JARID2: variants seen among roughly 807,000 people sequenced by gnomAD.
JARID2 encodes the protein protein Jumonji.
JARID2 carries 21 observed loss-of-function variants against 125.6 expected under a neutral mutation model. The observed-to-expected ratio is 0.17, with a 90% CI of 0.12 to 0.24. The LOEUF (loss-of-function observed/expected upper bound fraction) is 0.24. JARID2 is among the 10% of genes least tolerant of loss of function. The probability of loss-of-function intolerance (pLI) is 1.00; values close to 1 mark genes in which losing one functional copy is unlikely to be tolerated. For synonymous variants in JARID2, 736 were observed against 661.6 expected, an observed-to-expected ratio of 1.11 and a Z score of -1.73; for missense variants, 1,303 against 1,639.6, an observed-to-expected ratio of 0.79 and a Z score of 3.55.
chr6:15,261,567 G>A (rs982519923), intron 1 of JARID2, among the ~76,000 whole-genome samples: 1 of 152,028 alleles, frequency 6.6e-6, no homozygotes, highest in Non-Finnish European at 1.5e-5. Context: ...TGATCTGCCC[G>A]CCTTGGCCTC....
At chr6:15,321,808 T>TGAGA (rs1433779045) in intron 1 of JARID2, among the ~76,000 whole-genome samples, 3 of 128,018 alleles carry the variant, frequency 2.3e-5, no homozygotes, top group African/African-American at 9.9e-5. Flanking sequence ...TTTTTTTTTT[T>TGAGA]TTGAGATGGA....
chr6:15,437,113 T>G (rs981541164), intron 3 of JARID2, among the ~76,000 whole-genome samples: 1 of 152,194 alleles, frequency 6.6e-6, no homozygotes, highest in African/African-American at 2.4e-5. Flanking sequence ...GGTCATCTTT[T>G]CTTCCTGGAA....
chr6:15,409,230 G>A (rs1765775997), intron 2 of JARID2, among the ~76,000 whole-genome samples: 1 of 152,192 alleles, frequency 6.6e-6, no homozygotes, highest in Non-Finnish European at 1.5e-5. Context: ...GAAATGAAGT[G>A]TGCATAAAAT....
chr6:15,381,354 A>G (rs1002008554), intron 2 of JARID2, among the ~76,000 whole-genome samples: 2 of 151,622 alleles, frequency 1.3e-5, no homozygotes, highest in African/African-American at 2.4e-5. Context: ...AAAAAAAAAA[A>G]AAAAAAAAAG....
At position 15,520,105 on chromosome 6, in the gene JARID2, A is replaced by G; in HGVS notation, c.3595A>G (p.Lys1199Glu). ...CAGTCTGGTCAATCAGATCTGCGGC[A>G]AAGTGTCTGGTAAAAACGGCAGCAT... ...IISLVNQICG[K>E]VSGKNGSIEN... The change falls in exon 18 of 18, where the codon AAA becomes GAA. Residue 1199 changes from lysine (K) to glutamate (E), a missense_variant. Physicochemically the swap from Lys to Glu is moderately conservative, Grantham distance 56 (BLOSUM62 1). Coordinates refer to ENST00000341776, the MANE Select transcript of JARID2 (RefSeq NM_004973.4). The G allele has an allele frequency of 6.2e-7, 1 of 1,613,886 alleles. No homozygotes were observed. The highest frequency in any genetic ancestry group is 8.5e-7 in the Non-Finnish European group (1 of 1,179,902).
chr6:15,251,509 T>C (rs115091871), intron 1 of JARID2, among the ~76,000 whole-genome samples: 2,618 of 152,336 alleles, frequency 0.017, 80 homozygotes, highest in African/African-American at 0.059. Context: ...CCCTGTTGGC[T>C]GCAGTATGTC....
chr6:15,369,256 A>G (rs1315190483), intron 1 of JARID2: 1 of 372,964 alleles, frequency 2.7e-6, no homozygotes, highest in Non-Finnish European at 5.6e-6. Flanking sequence ...TGGCCCACAG[A>G]CCACCTGTAC....
At chr6:15,344,820 CTTA>C (rs1002012288) in intron 1 of JARID2, among the ~76,000 whole-genome samples, 1 of 151,934 alleles carries the variant, frequency 6.6e-6, no homozygotes, top group Admixed American at 6.6e-5. Context: ...TTATTAATAG[CTTA>C]TTCTGTAAAA....
intron 4 of JARID2, among the ~76,000 whole-genome samples, chr6:15,452,828 A>T (rs1044213921): frequency 6.6e-6 from 1 of 152,218 alleles, no homozygotes; most frequent in Admixed American, 6.5e-5. Flanking sequence ...AACACAGAAG[A>T]TTGAGAGAAT....
At chr6:15,446,646 A>C (rs183789016) in intron 3 of JARID2, among the ~76,000 whole-genome samples, 1 of 152,088 alleles carries the variant, frequency 6.6e-6, no homozygotes, top group East Asian at 1.9e-4. Context: ...ACTCCCATAC[A>C]CTCCCATATA....
intron 1 of JARID2, among the ~76,000 whole-genome samples, chr6:15,280,330 A>G (rs1432844389): frequency 1.3e-5 from 2 of 152,124 alleles, no homozygotes; most frequent in East Asian, 3.9e-4. Flanking sequence ...TTGAGAAATT[A>G]GTTTCTCGGT....
At chr6:15,269,046 G>T (rs1447031999) in intron 1 of JARID2, among the ~76,000 whole-genome samples, 1 of 152,120 alleles carries the variant, frequency 6.6e-6, no homozygotes, top group Middle Eastern at 3.2e-3. Flanking sequence ...GTGTGCTTGG[G>T]GAATGTCCTA....
chr6:15,360,635 C>T (rs1289612213), intron 1 of JARID2, among the ~76,000 whole-genome samples: 4 of 151,998 alleles, frequency 2.6e-5, no homozygotes, highest in Non-Finnish European at 5.9e-5. Flanking sequence ...AGGAGTGTGC[C>T]GTCATGCCTA....
At position 15,457,898 on chromosome 6, in the gene JARID2, A is replaced by C. The variant is rs906592813; in HGVS notation, c.493+5723A>C. On this transcript the variant is annotated intron_variant, in intron 4 of 17. Transcript: ENST00000341776. ...ATTTGTTTTAAGACACTACCAGCTA[A>C]GTCTGCAAGGCTCTTTCATTTCCTA... Among the ~76,000 whole-genome samples, 5 of 152,326 alleles carry C rather than the reference A, an allele frequency of 3.3e-5. No homozygotes were observed. The East Asian group carries it at 9.6e-4, about 29-fold the overall frequency.
intron 3 of JARID2, among the ~76,000 whole-genome samples, chr6:15,413,370 G>T (rs370566813): frequency 1.3e-5 from 2 of 152,120 alleles, no homozygotes; most frequent in African/African-American, 4.8e-5. Flanking sequence ...GACTTTGTAG[G>T]AGAAAATACT....
At chr6:15,433,410 C>CTCTGTGTGTGTGTGTGTG (rs1241800597) in intron 3 of JARID2, among the ~76,000 whole-genome samples, 1 of 143,428 alleles carries the variant, frequency 7.0e-6, no homozygotes, top group Non-Finnish European at 1.5e-5. Flanking sequence ...CCATGTCTCT[C>CTCTGTGTGTGTGTGTGTG]TGTGTGTGTG....
chr6:15,312,750 T>A (rs1762056785), intron 1 of JARID2, among the ~76,000 whole-genome samples: 1 of 152,208 alleles, frequency 6.6e-6, no homozygotes, highest in Non-Finnish European at 1.5e-5. Flanking sequence ...TGTTTCTTTT[T>A]TTCCCTGTAA....
chr6:15,365,329 C>T (rs562546562), intron 1 of JARID2, among the ~76,000 whole-genome samples: 2 of 152,262 alleles, frequency 1.3e-5, no homozygotes, highest in African/African-American at 4.8e-5. Context: ...ATTGAAAAAG[C>T]GAACCGTCAG....
Position 15,446,271 on chromosome 6 carries a change from G to A in JARID2, c.324-5735G>A, listed in dbSNP as rs532975144. ...CCTGTATATAGAAGTGGACCAGAAA[G>A]AGGAGACTGCAGTAGAGAGTCTTGT... is the stretch of plus-strand genomic sequence containing the variant. On this transcript the variant is annotated intron_variant, in intron 3 of 17. Transcript: ENST00000341776. Among the ~76,000 whole-genome samples, 11 of 152,344 alleles carry A rather than the reference G, an allele frequency of 7.2e-5. No homozygotes were observed. The South Asian group carries it at 2.3e-3, about 32-fold the overall frequency.
Sources: allele counts gnomAD v4.1 joint callset (sites outside exome capture counted in the v4.1 genomes callset), GRCh38; gene constraint gnomAD v4.1.1; transcripts MANE v1.5; gene names NCBI Gene and HGNC (gene_info 2026-07-23, HGNC 2026-07-21).